Variants in BRINP3 observed in about 807,000 individuals in gnomAD.
The protein encoded by BRINP3 is BMP/retinoic acid-inducible neural-specific protein 3.
Under a neutral mutation model 71.0 loss-of-function variants are expected in BRINP3, and 19 were observed. The ratio of observed to expected loss-of-function variants is 0.27; its 90% CI spans 0.19 to 0.39. The LOEUF (loss-of-function observed/expected upper bound fraction) is 0.39. Ranked by LOEUF, BRINP3 falls within the 10% of genes least tolerant of loss-of-function variation. BRINP3 has a pLI of 1.00. For synonymous variants in BRINP3, 380 were observed against 337.7 expected (o/e 1.13, Z -1.37); for missense variants, 959 against 940.8 (o/e 1.02, Z -0.25).
intron 2 of BRINP3, among the ~76,000 whole-genome samples, chr1:190,333,829 T>G (rs1667116043): frequency 6.6e-6 from 1 of 151,930 alleles, no homozygotes; most frequent in Non-Finnish European, 1.5e-5. Context: ...CCTAGGCTGC[T>G]GCTTTTTAAC....
intron 2 of BRINP3, among the ~76,000 whole-genome samples, chr1:190,333,839 C>T (rs1676205709): frequency 6.6e-6 from 1 of 151,872 alleles, no homozygotes; most frequent in East Asian, 1.9e-4. Context: ...TGCTTTTTAA[C>T]TTTAACTCAT....
chr1:190,207,907 A>G lies in BRINP3; in HGVS notation c.961+18175T>C, dbSNP rs114896442. Among the ~76,000 whole-genome samples, 232 of 152,214 alleles carry G rather than the reference A, an allele frequency of 1.5e-3. 2 individuals carry two copies. The highest frequency in any genetic ancestry group is 3.3e-3 in the South Asian group (16 of 4,828). On this transcript the variant is annotated intron_variant, in intron 6 of 7. Coordinates refer to ENST00000367462, the MANE Select transcript of BRINP3 (RefSeq NM_199051.3). ...TTAACCGTGACTGAAGGCATCTTGT[A>G]TAGAGTTGAACTCGCTCTAGGTAAA...
intron 7 of BRINP3, among the ~76,000 whole-genome samples, chr1:190,143,358 T>G (rs1484341089): frequency 6.6e-6 from 1 of 152,158 alleles, no homozygotes; most frequent in Non-Finnish European, 1.5e-5. Context: ...GAAAATGTAA[T>G]TCTCCCCAGC....
chr1:190,255,290 G>T lies in BRINP3; in HGVS notation c.618+9575C>A, dbSNP rs1238264901. On this transcript the variant is annotated intron_variant, in intron 4 of 7. Transcript: ENST00000367462. ...CAGGCTTTGGTATCAGGATGATGCTGGCCTCATAAAATGAGTTAGGGAGGA... is the reference window on the plus strand; with the variant it reads ...CAGGCTTTGGTATCAGGATGATGCTTGCCTCATAAAATGAGTTAGGGAGGA... 2.0e-5 allele frequency among the ~76,000 whole-genome samples: 3 copies of T among 149,362 alleles called. No homozygotes were observed. The East Asian group carries it at 5.9e-4, about 30-fold the overall frequency.
intron 2 of BRINP3, among the ~76,000 whole-genome samples, chr1:190,379,481 A>G (rs190341574): frequency 1.6e-4 from 25 of 152,314 alleles, no homozygotes; most frequent in Middle Eastern, 3.4e-3. Context: ...TTTGGATACA[A>G]CAGTCAAGAA....
At chr1:190,229,320 C>A (rs2102715401) in intron 5 of BRINP3, among the ~76,000 whole-genome samples, 1 of 151,970 alleles carries the variant, frequency 6.6e-6, no homozygotes, top group African/African-American at 2.4e-5. Context: ...TAAATGGGAC[C>A]TCCCCTGCAC....
At chr1:190,226,061 A>T in intron 6 of BRINP3, 21 bp downstream of exon 6, 1 of 1,424,372 alleles carries the variant, frequency 7.0e-7, no homozygotes, top group Non-Finnish European at 9.5e-7. Context: ...TAAAAGTGTT[A>T]TATTAAAATA....
chr1:190,336,673 C>T (rs1195669543), intron 2 of BRINP3, among the ~76,000 whole-genome samples: 3 of 151,958 alleles, frequency 2.0e-5, no homozygotes, highest in Non-Finnish European at 4.4e-5. Flanking sequence ...AGCATGCATC[C>T]AGCACTGCAA....
chr1:190,434,120 A>T lies in BRINP3; in HGVS notation c.236+20535T>A, dbSNP rs572538415. Among the ~76,000 whole-genome samples, 11 of 151,714 alleles carry T rather than the reference A, an allele frequency of 7.3e-5. 1 individual carries two copies. The highest frequency in any genetic ancestry group is 4.2e-4 in the South Asian group (2 of 4,814). ...AATGGTTATTTATTTATTTATTTTT[A>T]TTTATTTATTTATTTTGAGATGAAG... is the stretch of plus-strand genomic sequence containing the variant. On this transcript the variant is annotated intron_variant, in intron 2 of 7. Transcript: ENST00000367462.
chr1:190,361,245 T>C (rs1669126821), intron 2 of BRINP3, among the ~76,000 whole-genome samples: 1 of 152,006 alleles, frequency 6.6e-6, no homozygotes, highest in African/African-American at 2.4e-5. Context: ...AGTCAGGAGA[T>C]ATTAATCAAG....
At chr1:190,378,057 T>A (rs1670293676) in intron 2 of BRINP3, among the ~76,000 whole-genome samples, 2 of 152,138 alleles carry the variant, frequency 1.3e-5, no homozygotes, top group Admixed American at 1.3e-4. Flanking sequence ...GGGGACGGAA[T>A]ACTGAAGCAA....
At chr1:190,236,053 C>T (rs1054991079) in intron 4 of BRINP3, among the ~76,000 whole-genome samples, 2 of 151,678 alleles carry the variant, frequency 1.3e-5, no homozygotes, top group Non-Finnish European at 2.9e-5. Context: ...GGAGAAACTT[C>T]GTAGTATGGA....
chr1:190,330,338 C>T (rs898050194), intron 2 of BRINP3, among the ~76,000 whole-genome samples: 2 of 151,972 alleles, frequency 1.3e-5, no homozygotes, highest in Middle Eastern at 3.2e-3. Context: ...ACAGACACCT[C>T]TTAAAAGAAG....
At chr1:190,326,884 A>T (rs1666611888) in intron 2 of BRINP3, among the ~76,000 whole-genome samples, 1 of 151,984 alleles carries the variant, frequency 6.6e-6, no homozygotes, top group Non-Finnish European at 1.5e-5. Flanking sequence ...CTAAAAAGAA[A>T]CCACACATTA....
chr1:190,105,162 G>T (rs546934913), intron 7 of BRINP3, among the ~76,000 whole-genome samples: 1 of 151,940 alleles, frequency 6.6e-6, no homozygotes, highest in African/African-American at 2.4e-5. Context: ...TTTTGGCAGC[G>T]TTGCCTAGGG....
chr1:190,368,570 A>G (rs1465022870), intron 2 of BRINP3, among the ~76,000 whole-genome samples: 2 of 152,150 alleles, frequency 1.3e-5, no homozygotes, highest in East Asian at 1.9e-4. Context: ...AGAATTCTTA[A>G]CAGGGCCCAT....
intron 2 of BRINP3, among the ~76,000 whole-genome samples, chr1:190,301,213 A>ATATATATATATG (rs1481721257): frequency 4.6e-5 from 3 of 65,336 alleles, no homozygotes; most frequent in Non-Finnish European, 1.1e-4. Context: ...ACATATATAT[A>ATATATATATATG]TATATATATA....
chr1:190,145,370 A>G (rs1655797170), intron 7 of BRINP3, among the ~76,000 whole-genome samples: 1 of 152,098 alleles, frequency 6.6e-6, no homozygotes, highest in African/African-American at 2.4e-5. Context: ...CAATTAAGGC[A>G]TTTGTAACTA....
intron 2 of BRINP3, among the ~76,000 whole-genome samples, chr1:190,400,074 A>T (rs557022032): frequency 1.3e-5 from 2 of 152,228 alleles, no homozygotes; most frequent in Admixed American, 1.3e-4. Flanking sequence ...AAAGGTTGAT[A>T]TGGAAGATAC....
Sources: allele counts gnomAD v4.1 joint callset (sites outside exome capture counted in the v4.1 genomes callset), GRCh38; gene constraint gnomAD v4.1.1; transcripts MANE v1.5; gene names NCBI Gene and HGNC (gene_info 2026-07-23, HGNC 2026-07-21).